The following DSCAM variants were observed in gnomAD, a reference collection of about 807,000 sequenced individuals.
DSCAM encodes the protein cell adhesion molecule DSCAM.
DSCAM carries 47 observed loss-of-function variants against 217.7 expected under a neutral mutation model. The ratio of observed to expected loss-of-function variants is 0.22; its 90% CI spans 0.17 to 0.28. The LOEUF is 0.28. Ranked by LOEUF, DSCAM falls within the 10% of genes least tolerant of loss-of-function variation. DSCAM has a pLI of 1.00. For missense variants in DSCAM, 2,080 were observed against 2,618.3 expected, an observed-to-expected ratio of 0.79 and a Z score of 4.49; for synonymous variants, 1,056 against 1,015.3, an observed-to-expected ratio of 1.04 and a Z score of -0.76.
chr21:40,766,692 CTTTT>C (rs1197034537), intron 1 of DSCAM, among the ~76,000 whole-genome samples: 2 of 92,606 alleles, frequency 2.2e-5, no homozygotes, highest in Non-Finnish European at 3.8e-5. Context: ...AAAAAAACAA[CTTTT>C]TTTTTTTTTT....
intron 3 of DSCAM, among the ~76,000 whole-genome samples, chr21:40,572,072 ATGTGTGTGTGTGGGTGTGTGTGTGTGTG>A (rs2076810804): frequency 1.6e-5 from 2 of 127,308 alleles, no homozygotes; most frequent in African/African-American, 3.1e-5. Flanking sequence ...GATACTCAAC[ATGTGTGTGTGTGGGTGTGTGTGTGTGTG>A]TGTGTGTGTG....
rs1054844517 is a variant in DSCAM at position 40,377,717 on chromosome 21, G to A, written c.509-8472C>T. On this transcript the variant is annotated intron_variant, in intron 3 of 32. Coordinates refer to ENST00000400454, the MANE Select transcript of DSCAM (RefSeq NM_001389.5). ...CCCAGGAAGGGGAGTGAAGGAAGGC[G>A]AGTGAAGGAAGAAGGCCAAGAAAAG... Among the ~76,000 whole-genome samples the A allele has an allele frequency of 5.3e-5, 8 of 152,104 alleles. No homozygotes were observed. The East Asian group carries it at 1.2e-3, about 22-fold the overall frequency.
chr21:40,235,132 T>C (rs1050147593), intron 11 of DSCAM, among the ~76,000 whole-genome samples: 2 of 152,250 alleles, frequency 1.3e-5, no homozygotes, highest in African/African-American at 4.8e-5. Flanking sequence ...GTTTATATTA[T>C]TCTATGAAAA....
chr21:40,301,886 A>G (rs2074020583), intron 9 of DSCAM, among the ~76,000 whole-genome samples: 1 of 152,160 alleles, frequency 6.6e-6, no homozygotes, highest in African/African-American at 2.4e-5. Context: ...AGTGGACCCA[A>G]TGGAAGTGCC....
In DSCAM at chr21:40,306,017, A is replaced by G. The variant is rs555455755; in HGVS notation, c.2062+6064T>C. ...GCTTGATGGGGATGGCATTGAATCT[A>G]TAAATTACCTTGGGCAGTATGGCCA... On this transcript the variant is annotated intron_variant, in intron 9 of 32. Coordinates refer to ENST00000400454, the MANE Select transcript of DSCAM (RefSeq NM_001389.5). 3.3e-3 allele frequency among the ~76,000 whole-genome samples: 500 copies of G among 152,082 alleles called. 4 individuals carry two copies. The highest frequency in any genetic ancestry group is 0.011 in the African/African-American group (451 of 41,422).
chr21:40,660,299 C>A (rs1469073006), intron 3 of DSCAM, among the ~76,000 whole-genome samples: 2 of 151,932 alleles, frequency 1.3e-5, no homozygotes, highest in Non-Finnish European at 2.9e-5. Context: ...GGAAGGAAAG[C>A]AGGAAAGAAG....
At chr21:40,572,879 G>C (rs753765526) in intron 3 of DSCAM, among the ~76,000 whole-genome samples, 1 of 152,028 alleles carries the variant, frequency 6.6e-6, no homozygotes, top group Non-Finnish European at 1.5e-5. Flanking sequence ...GAACATAGGA[G>C]ATTTTAATAC....
chr21:40,402,629 T>TA (rs138346205), intron 3 of DSCAM, among the ~76,000 whole-genome samples: 3,435 of 150,988 alleles, frequency 0.023, 148 homozygotes, highest in African/African-American at 0.079. Context: ...TAAACAGGAT[T>TA]AAAAAAAATG....
intron 29 of DSCAM, among the ~76,000 whole-genome samples, chr21:40,053,376 G>A (rs954974514): frequency 3.3e-5 from 5 of 152,246 alleles, no homozygotes; most frequent in Non-Finnish European, 7.3e-5. Flanking sequence ...CTCTTCCACA[G>A]AGACAGCTTC....
intron 3 of DSCAM, among the ~76,000 whole-genome samples, chr21:40,662,211 A>G (rs1189574689): frequency 6.6e-6 from 1 of 152,170 alleles, no homozygotes; most frequent in Admixed American, 6.5e-5. Flanking sequence ...TGTAAGAAAT[A>G]TCTAAAGAAA....
intron 27 of DSCAM, among the ~76,000 whole-genome samples, chr21:40,072,348 T>TTC (rs2089303164): frequency 7.6e-6 from 1 of 132,294 alleles, no homozygotes; most frequent in Admixed American, 7.9e-5. Context: ...TCCTGTCAGA[T>TTC]TCTTTTTTTT....
chr21:40,515,865 C>T (rs1213934953), intron 3 of DSCAM, among the ~76,000 whole-genome samples: 2 of 152,054 alleles, frequency 1.3e-5, no homozygotes, highest in African/African-American at 2.4e-5. Context: ...CTATGTTTAA[C>T]GTCAAGAAGG....
intron 3 of DSCAM, among the ~76,000 whole-genome samples, chr21:40,665,630 G>A (rs2090190745): frequency 1.3e-5 from 2 of 152,126 alleles, no homozygotes; most frequent in South Asian, 2.1e-4. Flanking sequence ...ATTGTAAGCA[G>A]GTCATTATTT....
In DSCAM at chr21:40,348,686, C is replaced by T. The variant is rs142731524; in HGVS notation, c.935-741G>A. ...TTTTGCTATCATACTGCATGCAGTTCGTATCAGCCACATTATTTCACAGAG... is the reference window on the plus strand; with the variant it reads ...TTTTGCTATCATACTGCATGCAGTTTGTATCAGCCACATTATTTCACAGAG... On this transcript the variant is annotated intron_variant, in intron 5 of 32. Coordinates refer to ENST00000400454, the MANE Select transcript of DSCAM (RefSeq NM_001389.5). 1.9e-3 allele frequency among the ~76,000 whole-genome samples: 289 copies of T among 152,316 alleles called. 2 individuals are homozygous for T. The highest frequency in any genetic ancestry group is 6.4e-3 in the African/African-American group (268 of 41,580).
At chr21:40,258,790 C>G (rs191382324) in intron 11 of DSCAM, among the ~76,000 whole-genome samples, 5,637 of 152,336 alleles carry the variant, frequency 0.037, 334 homozygotes, top group African/African-American at 0.13. Context: ...GTTCTCCTCT[C>G]TCTTTACCTC....
chr21:40,491,158 T>C (rs987521726), intron 3 of DSCAM, among the ~76,000 whole-genome samples: 4 of 152,224 alleles, frequency 2.6e-5, no homozygotes, highest in Non-Finnish European at 5.9e-5. Context: ...ACACTTCAAA[T>C]GTGTTCTCTT....
chr21:40,486,122 G>A (rs2076026083), intron 3 of DSCAM, among the ~76,000 whole-genome samples: 1 of 152,136 alleles, frequency 6.6e-6, no homozygotes, highest in South Asian at 2.1e-4. Flanking sequence ...GCCATAGATG[G>A]CTAACAGATC....
chr21:40,679,518 C>T (rs2090376940), intron 3 of DSCAM, among the ~76,000 whole-genome samples: 1 of 152,102 alleles, frequency 6.6e-6, no homozygotes, highest in Non-Finnish European at 1.5e-5. Flanking sequence ...ATGGGGTTGT[C>T]GAGAAGTTTT....
chr21:40,274,220 A>G (rs2073657243), intron 11 of DSCAM, among the ~76,000 whole-genome samples: 1 of 152,104 alleles, frequency 6.6e-6, no homozygotes, highest in Admixed American at 6.5e-5. Context: ...TGGAGAGAGG[A>G]CATATGGGGG....
Sources: gnomAD v4.1 joint callset for allele counts (sites outside exome capture counted in the v4.1 genomes callset) on GRCh38, gnomAD v4.1.1 for gene constraint, MANE v1.5 for transcripts, NCBI Gene and HGNC (gene_info 2026-07-23, HGNC 2026-07-21) for gene names.